Variants in CCDC93 observed in about 807,000 individuals in gnomAD.
CCDC93 encodes coiled-coil domain-containing protein 93.
CCDC93 carries 61 observed loss-of-function variants against 108.2 expected under a neutral mutation model. The ratio of observed to expected loss-of-function variants is 0.56; its 90% CI spans 0.46 to 0.70. The LOEUF (loss-of-function observed/expected upper bound fraction) is 0.70, where lower values mean the gene tolerates loss of function less well. Ranked by LOEUF, CCDC93 falls within the 30% of genes least tolerant of loss-of-function variation. The pLI is 0.00. For missense variants in CCDC93, 685 were observed against 764.2 expected, an observed-to-expected ratio of 0.90 and a Z score of 1.22; for synonymous variants, 276 against 260.4, an observed-to-expected ratio of 1.06 and a Z score of -0.58.
chr2:117,997,417 C>G (rs924426541), intron 4 of CCDC93: 2 of 152,188 alleles, frequency 1.3e-5, no homozygotes, highest in Admixed American at 1.3e-4. Flanking sequence ...TACTGCATCT[C>G]AAAAGCAGTT....
intron 7 of CCDC93, among the ~76,000 whole-genome samples, chr2:117,982,397 A>G (rs1020570930): frequency 4.6e-5 from 7 of 152,146 alleles, no homozygotes; most frequent in Non-Finnish European, 7.3e-5. Context: ...AATCAAAACT[A>G]TAAGTCTTGT....
intron 14 of CCDC93, 94 bp from the exon 15 acceptor site, chr2:117,948,280 CCTTTT>C: frequency 2.5e-6 from 2 of 811,884 alleles, no homozygotes; most frequent in Non-Finnish European, 4.1e-6. Flanking sequence ...AAAGGACTCT[CCTTTT>C]AATTTCCTTT....
chr2:118,007,097 T>C lies in CCDC93; in HGVS notation c.157-281A>G, dbSNP rs1329127256. Among the ~76,000 whole-genome samples the C allele has an allele frequency of 3.3e-5, 5 of 152,244 alleles. No individual in the cohort carries two copies. The East Asian group carries it at 9.6e-4, about 29-fold the overall frequency. On this transcript the variant is annotated intron_variant, in intron 2 of 23. Coordinates refer to ENST00000376300, the MANE Select transcript of CCDC93 (RefSeq NM_019044.5). ...ATGTGGCTGCTGAGCAGTTGAAATG[T>C]GGCTGGCATGACTGAGGAGCTGACT... is the stretch of plus-strand genomic sequence containing the variant.
At position 117,985,300 on chromosome 2, in the gene CCDC93, C is replaced by T. The variant is rs999691933; in HGVS notation, c.620+669G>A. 1.4e-4 allele frequency: 26 copies of T among 186,292 alleles called. 1 individual carries two copies. Among genetic ancestry groups the T allele is most frequent in the Admixed American group, 9.8e-4 (15 of 15,328 alleles). The allele number at this position is 186,292 out of a possible 1,614,324, so 11.5% of individuals were successfully genotyped here. A position where few individuals can be genotyped will look rare whatever the true frequency, so the allele number is the denominator to read the frequency against. On this transcript the variant is annotated intron_variant, in intron 7 of 23. Coordinates refer to ENST00000376300, the MANE Select transcript of CCDC93 (RefSeq NM_019044.5). ...AACGCCAGTGGCAATGCAGTTAGTT[C>T]CAGCCACCCTACAAGGGTTGGGCTG...
chr2:117,934,911 T>C (rs1678473567), intron 22 of CCDC93: 1 of 152,236 alleles, frequency 6.6e-6, no homozygotes, highest in Non-Finnish European at 1.5e-5. Flanking sequence ...CAGCTGTCTC[T>C]GTAGGAAAAT....
chr2:117,952,262 G>T, intron 13 of CCDC93, 111 bp downstream of exon 13: 1 of 785,958 alleles, frequency 1.3e-6, no homozygotes, highest in South Asian at 1.4e-5. Context: ...TCTGAGAACA[G>T]GATCGTGTCT....
rs144602138 is a variant in CCDC93 at position 117,923,680 on chromosome 2, G to GCCTGCCTC, written c.1843-3285_1843-3284insGAGGCAGG. Among the ~76,000 whole-genome samples the GCCTGCCTC allele has an allele frequency of 8.2e-4, 119 of 145,338 alleles. 1 individual carries two copies. In the South Asian group the frequency reaches 8.5e-3, roughly 10 times the overall value. On this transcript the variant is annotated intron_variant, in intron 23 of 23. Coordinates refer to ENST00000376300, the MANE Select transcript of CCDC93 (RefSeq NM_019044.5). ...GGCCTGCCTGCCTGCCTGCCTGCCTGCCTCTATAGAGTCCACCTCTGGGGG... is the reference window on the plus strand; with the variant it reads ...GGCCTGCCTGCCTGCCTGCCTGCCTGCCTGCCTCCCTCTATAGAGTCCACCTCTGGGGG...
intron 23 of CCDC93, among the ~76,000 whole-genome samples, chr2:117,927,501 T>G (rs1678160685): frequency 1.3e-5 from 2 of 152,048 alleles, no homozygotes; most frequent in Admixed American, 1.3e-4. Flanking sequence ...ATGAGTGAAC[T>G]CCCACTCACA....
rs1246799857 is a variant in CCDC93, at chr2:117,939,014, T to TA, written c.1605+14dup. The stretch of plus-strand genomic sequence containing the variant: ...GTTAGCTGCTTAGCCATTTTCTTTT[T>TA]ATAAATGTTCTTACCTCTTTTTCCA... On this transcript the variant is annotated intron_variant, in intron 20 of 23. Coordinates refer to ENST00000376300, the MANE Select transcript of CCDC93 (RefSeq NM_019044.5). The TA allele has an allele frequency of 2.8e-6, 4 of 1,435,438 alleles. No homozygotes were observed. In the East Asian group the frequency reaches 6.8e-5, roughly 25 times the overall value. 88.9% of individuals were successfully genotyped at this position (1,435,438 alleles called of 1,614,324 possible).
At chr2:117,950,124 A>G in intron 13 of CCDC93, 1 of 985,424 alleles carries the variant, frequency 1.0e-6, no homozygotes, top group Non-Finnish European at 1.2e-6. Context: ...CAGTAGGTAG[A>G]TCCCTTCCAG....
intron 20 of CCDC93, 57 bp from the exon 21 acceptor site, chr2:117,936,796 A>T: frequency 7.5e-7 from 1 of 1,337,776 alleles, no homozygotes; most frequent in Admixed American, 1.7e-5. Context: ...TTTCCACACT[A>T]CTGCAACTGC....
rs796616696 is a variant in CCDC93, at chr2:117,936,024, G to GT, written c.1644-446dup. On this transcript the variant is annotated intron_variant, in intron 21 of 23. Transcript: ENST00000376300. ...AAACCAGGGGAAGCTGTGGTTTTTT[G>GT]TTTTTTTTTTTAAGAAAAGAAGCTT... is the stretch of plus-strand genomic sequence containing the variant. Among the ~76,000 whole-genome samples the GT allele has an allele frequency of 7.6e-3, 1,088 of 143,360 alleles. 8 individuals are homozygous for GT. The highest frequency in any genetic ancestry group is 0.025 in the African/African-American group (968 of 39,418). The allele number at this position is 143,360 out of a possible 152,430, so 94.0% of individuals were successfully genotyped here.
At chr2:118,002,344 C>A (rs572069382) in intron 3 of CCDC93, among the ~76,000 whole-genome samples, 27 of 152,274 alleles carry the variant, frequency 1.8e-4, no homozygotes, top group African/African-American at 6.3e-4. Flanking sequence ...ACTGTCTTAT[C>A]TATGATTCAC....
chr2:117,936,757 CA>C lies in CCDC93; in HGVS notation c.1606-19del, dbSNP rs746955080. Reference sequence around the variant, plus strand: ...AGACTAATCTGGGGAAGTAAAAAAACAAACGAAATTATAAGACAGGCAAAAA... The same window carrying C: ...AGACTAATCTGGGGAAGTAAAAAAACAACGAAATTATAAGACAGGCAAAAA... On this transcript the variant is annotated intron_variant, in intron 20 of 23. Transcript: ENST00000376300. 6.2e-6 allele frequency: 10 copies of C among 1,609,446 alleles called. No homozygotes were observed. The highest frequency in any genetic ancestry group is 1.3e-5 in the African/African-American group (1 of 74,852).
intron 13 of CCDC93, chr2:117,951,410 G>C: frequency 1.0e-6 from 1 of 985,418 alleles, no homozygotes; most frequent in Non-Finnish European, 1.2e-6. Flanking sequence ...TAACTGAAGA[G>C]GTTAGTCCAG....
chr2:117,937,483 C>T (rs558498025), intron 20 of CCDC93, among the ~76,000 whole-genome samples: 16 of 152,208 alleles, frequency 1.1e-4, no homozygotes, highest in Non-Finnish European at 2.2e-4. Context: ...AGGTTTTAAA[C>T]TATCATAGGC....
intron 11 of CCDC93, among the ~76,000 whole-genome samples, chr2:117,965,065 A>G (rs1456069842): frequency 1.3e-5 from 2 of 152,192 alleles, no homozygotes; most frequent in African/African-American, 4.8e-5. Flanking sequence ...TGATTTATGC[A>G]ACACCTATTA....
Position 118,000,882 on chromosome 2 carries a change from T to G in CCDC93, c.302A>C (p.His101Pro). The G allele has an allele frequency of 6.2e-7, 1 of 1,613,746 alleles. No individual in the cohort carries two copies. The highest frequency in any genetic ancestry group is 8.5e-7 in the Non-Finnish European group (1 of 1,179,782). ...VSVLPRMKCP[H>P]QLEPHQIQGM... ...CTGGATCTGGTGGGGCTCCAGCTGG[T>G]GTGGGCATTTCATCCTTGGCAGGAC... Residue 101 changes from histidine to proline, a missense_variant, in exon 4 of 24, where the codon CAC (histidine) becomes CCC (proline). Coordinates refer to ENST00000376300, the MANE Select transcript of CCDC93 (RefSeq NM_019044.5).
intron 6 of CCDC93, 91 bp from the exon 7 acceptor site, chr2:117,986,160 C>CTTTTTT (rs763304100): frequency 2.2e-4 from 62 of 276,508 alleles, no homozygotes; most frequent in South Asian, 3.6e-4. Context: ...GGTATATTCT[C>CTTTTTT]TTTTTTTTTT....
Sources: allele counts gnomAD v4.1 joint callset (sites outside exome capture counted in the v4.1 genomes callset), GRCh38; gene constraint gnomAD v4.1.1; transcripts MANE v1.5; gene names NCBI Gene and HGNC (gene_info 2026-07-23, HGNC 2026-07-21).